Variants in XKR9 observed in about 807,000 individuals in gnomAD.
XKR9 encodes XK related 9.
Under a neutral mutation model 32.0 loss-of-function variants are expected in XKR9, and 32 were observed. That is an observed-to-expected ratio of 1.00 (90% CI 0.76 to 1.34). The LOEUF is 1.34. XKR9 is among the 40% of genes most tolerant of loss of function. The probability of loss-of-function intolerance (pLI) is 0.00; values close to 1 mark genes in which losing one functional copy is unlikely to be tolerated. For missense variants in XKR9, 546 were observed against 429.7 expected (o/e 1.27, Z -2.39); for synonymous variants, 168 against 143.4 (o/e 1.17, Z -1.22).
intron 2 of XKR9, among the ~76,000 whole-genome samples, chr8:70,759,264 A>G (rs1047793952): frequency 2.0e-5 from 3 of 152,226 alleles, no homozygotes; most frequent in Non-Finnish European, 4.4e-5. Flanking sequence ...CCCATGCAAT[A>G]TGCAACTGGA....
the XKR9 span, among the ~76,000 whole-genome samples, chr8:70,868,076 C>T: frequency 6.6e-6 from 1 of 152,196 alleles, no homozygotes; most frequent in East Asian, 1.9e-4. Context: ...CTCCCATGGC[C>T]TTGAGCAGCT....
the XKR9 span, among the ~76,000 whole-genome samples, chr8:71,064,545 C>T: frequency 6.6e-6 from 1 of 152,110 alleles, no homozygotes; most frequent in Non-Finnish European, 1.5e-5. Flanking sequence ...CAATGAAAAG[C>T]TCATTGAATG....
chr8:70,870,461 G>C, the XKR9 span, among the ~76,000 whole-genome samples: 3 of 152,172 alleles, frequency 2.0e-5, no homozygotes, highest in Non-Finnish European at 2.9e-5. Context: ...TTCTCTAAAA[G>C]CCTATTCTAT....
chr8:70,718,684 G>A (rs1276129967), intron 4 of XKR9, among the ~76,000 whole-genome samples: 2 of 152,122 alleles, frequency 1.3e-5, no homozygotes, highest in Admixed American at 6.6e-5. Flanking sequence ...GTATTCCATG[G>A]CATATATGGG....
At chr8:70,878,640 C>T in the XKR9 span, among the ~76,000 whole-genome samples, 4 of 152,142 alleles carry the variant, frequency 2.6e-5, no homozygotes, top group Non-Finnish European at 1.5e-5. Flanking sequence ...TACAGGAGCA[C>T]CCAGATTCAT....
At chr8:70,941,828 GTCTAC>G in the XKR9 span, among the ~76,000 whole-genome samples, 3 of 152,098 alleles carry the variant, frequency 2.0e-5, no homozygotes, top group Non-Finnish European at 2.9e-5. Context: ...CAGCCTAAGA[GTCTAC>G]CTGTTGAGCT....
At chr8:70,911,490 A>T in the XKR9 span, among the ~76,000 whole-genome samples, 2 of 152,328 alleles carry the variant, frequency 1.3e-5, no homozygotes, top group East Asian at 3.9e-4. Context: ...TCAGTGCTGA[A>T]GATAAAATAA....
intron 4 of XKR9, among the ~76,000 whole-genome samples, chr8:70,724,222 C>T (rs759723464): frequency 4.5e-4 from 69 of 152,102 alleles, no homozygotes; most frequent in Admixed American, 9.8e-4. Context: ...TAATGGCGCA[C>T]GCCTCTCCCT....
At chr8:70,905,143 AT>A in the XKR9 span, among the ~76,000 whole-genome samples, 1 of 152,026 alleles carries the variant, frequency 6.6e-6, no homozygotes, top group Non-Finnish European at 1.5e-5. Context: ...CGTTCTCTGT[AT>A]TTCCTGAATT....
chr8:71,025,995 A>G, the XKR9 span, among the ~76,000 whole-genome samples: 485 of 152,154 alleles, frequency 3.2e-3, 2 homozygotes, highest in African/African-American at 0.011. Context: ...GAAGTCCTTA[A>G]CCATCTCCTC....
intron 3 of XKR9, among the ~76,000 whole-genome samples, chr8:70,700,972 G>A (rs1266911764): frequency 6.6e-6 from 1 of 152,224 alleles, no homozygotes; most frequent in Non-Finnish European, 1.5e-5. Context: ...ACTCCGTGGG[G>A]CGTAGGACCC....
At chr8:70,838,112 A>G in the XKR9 span, among the ~76,000 whole-genome samples, 1 of 152,126 alleles carries the variant, frequency 6.6e-6, no homozygotes, top group Non-Finnish European at 1.5e-5. Flanking sequence ...ATCTAGGGTC[A>G]GGCATGATTG....
At chr8:70,931,463 TAA>T in the XKR9 span, among the ~76,000 whole-genome samples, 1 of 152,194 alleles carries the variant, frequency 6.6e-6, no homozygotes, top group East Asian at 1.9e-4. Context: ...GGCAAATGGA[TAA>T]AGTGAGTAGC....
chr8:70,687,171 A>G lies in XKR9; in HGVS notation c.272+5841A>G, dbSNP rs118011397. Reference sequence around the variant, plus strand: ...TCTCTATCTCCATGAGTTTGTTTCAATTTTTAGCTCCAATGTATGAGTGAG... The same window carrying G: ...TCTCTATCTCCATGAGTTTGTTTCAGTTTTTAGCTCCAATGTATGAGTGAG... On this transcript the variant is annotated intron_variant, in intron 3 of 4. Coordinates refer to ENST00000408926, the MANE Select transcript of XKR9 (RefSeq NM_001011720.2). Among the ~76,000 whole-genome samples, 107 of 152,108 alleles carry G rather than the reference A, an allele frequency of 7.0e-4. No homozygotes were observed. In the East Asian group the frequency reaches 0.018, roughly 25 times the overall value.
the XKR9 span, among the ~76,000 whole-genome samples, chr8:70,928,848 T>C: frequency 5.9e-5 from 9 of 152,108 alleles, no homozygotes; most frequent in Admixed American, 5.2e-4. Flanking sequence ...ATATGCACAT[T>C]TAACTAAAAC....
chr8:70,754,181 T>A (rs1267568196), intron 2 of XKR9, among the ~76,000 whole-genome samples: 6 of 147,892 alleles, frequency 4.1e-5, no homozygotes. Context: ...ACAAAGAGAA[T>A]AAAATACTTA....
chr8:70,807,421 A>T, the XKR9 span, among the ~76,000 whole-genome samples: 2 of 152,194 alleles, frequency 1.3e-5, no homozygotes, highest in Non-Finnish European at 2.9e-5. Flanking sequence ...CAATACTAAC[A>T]TTAAATGTAA....
At chr8:70,858,332 A>G in the XKR9 span, among the ~76,000 whole-genome samples, 1 of 152,180 alleles carries the variant, frequency 6.6e-6, no homozygotes. Context: ...ACAGACAAAC[A>G]GAGAGCCAAA....
the XKR9 span, among the ~76,000 whole-genome samples, chr8:70,931,823 C>T: frequency 3.3e-5 from 5 of 152,074 alleles, no homozygotes; most frequent in South Asian, 4.1e-4. Flanking sequence ...ACTAACTGAG[C>T]GAGAGCTCAC....
Sources: gnomAD v4.1 joint callset for allele counts (sites outside exome capture counted in the v4.1 genomes callset) on GRCh38, gnomAD v4.1.1 for gene constraint, MANE v1.5 for transcripts, NCBI Gene and HGNC (gene_info 2026-07-23, HGNC 2026-07-21) for gene names.